The following PREX1 variants were observed in gnomAD, a reference collection of about 807,000 sequenced individuals.
PREX1 encodes phosphatidylinositol 3,4,5-trisphosphate-dependent Rac exchanger 1 protein.
A neutral mutation model predicts 198.3 loss-of-function variants in PREX1; 41 were observed. The observed-to-expected ratio is 0.21, with a 90% CI of 0.16 to 0.27. The LOEUF is 0.27. PREX1 is among the 10% of genes least tolerant of loss of function. PREX1 has a pLI of 1.00. For missense variants in PREX1, 1,620 were observed against 2,200.7 expected (o/e 0.74, Z 5.28); for synonymous variants, 843 against 887.2 (o/e 0.95, Z 0.89).
chr20:48,659,097 C>T (rs1247517561), intron 16 of PREX1, among the ~76,000 whole-genome samples: 2 of 143,046 alleles, frequency 1.4e-5, no homozygotes, highest in South Asian at 2.4e-4. Flanking sequence ...GGTGTGGTGG[C>T]GCAGGTCTGT....
intron 1 of PREX1, among the ~76,000 whole-genome samples, chr20:48,798,487 G>A (rs2090372567): frequency 6.6e-6 from 1 of 152,148 alleles, no homozygotes; most frequent in Non-Finnish European, 1.5e-5. Context: ...ACCTCTTCCT[G>A]GAAGGCCCTG....
intron 1 of PREX1, among the ~76,000 whole-genome samples, chr20:48,796,487 G>A (rs897777624): frequency 3.9e-5 from 6 of 152,046 alleles, no homozygotes; most frequent in African/African-American, 1.4e-4. Context: ...CTATCTGAAG[G>A]GGCCTGTATG....
intron 5 of PREX1, among the ~76,000 whole-genome samples, chr20:48,715,778 C>CTAGCT (rs2089959526): frequency 6.6e-6 from 1 of 152,152 alleles, no homozygotes; most frequent in South Asian, 2.1e-4. Context: ...GTCCTAATAG[C>CTAGCT]TAGCATCTAC....
chr20:48,795,518 C>T (rs2090358181), intron 1 of PREX1, among the ~76,000 whole-genome samples: 1 of 151,298 alleles, frequency 6.6e-6, no homozygotes, highest in African/African-American at 2.4e-5. Flanking sequence ...CAGGGACGCT[C>T]CTAAACATTC....
At chr20:48,700,602 G>T in intron 7 of PREX1, 151 bp downstream of exon 7, 1 of 918,862 alleles carries the variant, frequency 1.1e-6, no homozygotes, top group Non-Finnish European at 1.6e-6. Flanking sequence ...ATAACACGTG[G>T]CTTGCATTGT....
intron 5 of PREX1, among the ~76,000 whole-genome samples, chr20:48,712,957 C>T (rs980089054): frequency 6.6e-6 from 1 of 152,168 alleles, no homozygotes; most frequent in Non-Finnish European, 1.5e-5. Context: ...AACCCCGTCT[C>T]TATTAAAAAT....
intron 5 of PREX1, among the ~76,000 whole-genome samples, chr20:48,710,497 ATTC>A (rs1238863472): frequency 5.3e-5 from 8 of 152,174 alleles, no homozygotes; most frequent in Admixed American, 3.3e-4. Context: ...AGGCACCATT[ATTC>A]TTCTCGATTG....
chr20:48,627,746 A>C (rs1417323421), intron 38 of PREX1, 115 bp downstream of exon 38: 44 of 1,394,890 alleles, frequency 3.2e-5, no homozygotes, highest in Non-Finnish European at 4.3e-5. Flanking sequence ...CTCCAGATTC[A>C]GAGAAGGCTC....
chr20:48,771,985 G>A (rs749349589), intron 1 of PREX1, among the ~76,000 whole-genome samples: 2 of 152,172 alleles, frequency 1.3e-5, no homozygotes, highest in African/African-American at 4.8e-5. Context: ...CCTGAGTTCA[G>A]GAGTTCGAGA....
At chr20:48,632,663 T>C in intron 33 of PREX1, 24 bp from the exon 34 acceptor site, 1 of 1,612,260 alleles carries the variant, frequency 6.2e-7, no homozygotes, top group Non-Finnish European at 8.5e-7. Flanking sequence ...TGGGGCAGGA[T>C]GACTCACCAC....
the PREX1 span, among the ~76,000 whole-genome samples, chr20:48,859,532 CAAATATACACAGAAAAT>C: frequency 6.6e-6 from 1 of 152,128 alleles, no homozygotes; most frequent in Non-Finnish European, 1.5e-5. Flanking sequence ...CAAAACAAAA[CAAATATACACAGAAAAT>C]AACAAGTGTT....
intron 5 of PREX1, among the ~76,000 whole-genome samples, chr20:48,709,101 C>T (rs763407239): frequency 5.9e-5 from 9 of 152,118 alleles, no homozygotes; most frequent in Non-Finnish European, 1.3e-4. Flanking sequence ...CAGTCTTAAT[C>T]GAACATTCCA....
In PREX1 at chr20:48,642,438, A is replaced by G; in HGVS notation, c.3653T>C (p.Leu1218Pro). The G allele has an allele frequency of 6.2e-7, 1 of 1,613,692 alleles. No homozygotes were observed. The highest frequency in any genetic ancestry group is 8.5e-7 in the Non-Finnish European group (1 of 1,179,682). The part of the protein sequence containing the change: ...MRIPSDKQDK[L>P]HGCLEHLFNQ... The stretch of plus-strand genomic sequence containing the variant: ...AAAGAGGTGCTCCAGGCAGCCATGA[A>G]GCTTGTCCTGCTTGTCAGATGGGAT... Residue 1218 changes from leucine to proline, a missense_variant, in exon 28 of 40, where the codon CTT becomes CCT. Leu to Pro is a moderately conservative substitution (Grantham distance 98). Transcript: ENST00000371941.
Position 48,629,597 on chromosome 20 carries a change from C to A in PREX1, c.4618G>T (p.Asp1540Tyr), listed in dbSNP as rs1447300354. Reference protein sequence around the residue: ...DQLIRPINALDELCRLMKSFV... With the variant: ...DQLIRPINALYELCRLMKSFV... ...GACTTCATGAGGCGGCAGAGCTCAT[C>A]CAGGGCATTGATGGGGCGGATCAGC... Residue 1540 changes from aspartate to tyrosine, a missense_variant, in exon 37 of 40, where the codon GAT becomes TAT. Physicochemically the swap from Asp to Tyr is radical, Grantham distance 160. Around this residue, in one of 7 missense-constraint regions of PREX1, gnomAD observed 476 missense variants for 603.4 expected, o/e 0.79. Coordinates refer to ENST00000371941, the MANE Select transcript of PREX1 (RefSeq NM_020820.4). The A allele has an allele frequency of 1.2e-6, 2 of 1,613,972 alleles. No individual in the cohort carries two copies. The highest frequency in any genetic ancestry group is 1.7e-6 in the Non-Finnish European group (2 of 1,179,988).
chr20:48,640,653 C>A (rs1274169457), intron 29 of PREX1, among the ~76,000 whole-genome samples: 3 of 152,114 alleles, frequency 2.0e-5, no homozygotes, highest in Non-Finnish European at 4.4e-5. Context: ...GAGGTCAGGG[C>A]AGTATCAAAT....
chr20:48,666,921 A>G lies in PREX1; in HGVS notation c.1666-566T>C, dbSNP rs2089644767. Among the ~76,000 whole-genome samples the G allele has an allele frequency of 2.0e-5, 3 of 152,208 alleles. No homozygotes were observed. Among genetic ancestry groups the G allele is most frequent in the Non-Finnish European group, 2.9e-5 (2 of 68,030 alleles). On this transcript the variant is annotated intron_variant, in intron 14 of 39. Transcript: ENST00000371941. The surrounding 1 kb of genome is among the most constrained non-coding windows in gnomAD (Gnocchi z 4.3). ...AAAATGGAGATTTTAAGCGGCAGAC[A>G]ATGTTGGTTGCCTAGCAACACCTTT...
the PREX1 span, among the ~76,000 whole-genome samples, chr20:48,851,883 C>T: frequency 6.6e-6 from 1 of 152,192 alleles, no homozygotes; most frequent in Non-Finnish European, 1.5e-5. Flanking sequence ...TTGGTCCCTA[C>T]GATCTCTAAT....
the PREX1 span, among the ~76,000 whole-genome samples, chr20:48,877,333 G>A: frequency 4.6e-5 from 7 of 151,994 alleles, no homozygotes; most frequent in Non-Finnish European, 8.8e-5. Context: ...GAGAAATCCA[G>A]GTCTAGAATG....
chr20:48,665,142 C>CTAATCCCGGCCTCAGACGGCCTGAATTA (rs2089628609), intron 15 of PREX1, among the ~76,000 whole-genome samples: 1 of 149,634 alleles, frequency 6.7e-6, no homozygotes. Context: ...GGCCTGAATT[C>CTAATCCCGGCCTCAGACGGCCTGAATTA]TAATCCCGGC....
Sources: gnomAD v4.1 joint callset for allele counts (sites outside exome capture counted in the v4.1 genomes callset) on GRCh38, gnomAD v4.1.1 for gene constraint, gnomAD v4.1.1 regional missense constraint, Gnocchi (gnomAD v3.1) non-coding constraint, MANE v1.5 for transcripts, NCBI Gene and HGNC (gene_info 2026-07-23, HGNC 2026-07-21) for gene names.